The following SLC35F3 variants were observed in gnomAD, a reference collection of about 807,000 sequenced individuals.
SLC35F3 encodes solute carrier family 35 member F3, also known as putative thiamine transporter SLC35F3.
In SLC35F3, 25 loss-of-function variants were observed where a neutral mutation model predicts 49.9. The ratio of observed to expected loss-of-function variants is 0.50; its 90% CI spans 0.37 to 0.70. SLC35F3 has a LOEUF of 0.70. SLC35F3 is among the 30% of genes least tolerant of loss of function. The probability of loss-of-function intolerance (pLI) is 0.00; values close to 1 mark genes in which losing one functional copy is unlikely to be tolerated. For missense variants in SLC35F3, 525 were observed against 639.8 expected (o/e 0.82, Z 1.94); for synonymous variants, 275 against 265.4 (o/e 1.04, Z -0.35).
At chr1:233,995,061 C>A (rs538933573) in intron 2 of SLC35F3, among the ~76,000 whole-genome samples, 1 of 152,186 alleles carries the variant, frequency 6.6e-6, no homozygotes, top group Non-Finnish European at 1.5e-5. Context: ...GAGGATTAGA[C>A]ATGCTACCAT....
rs1553317271 is a variant in SLC35F3, at chr1:234,232,535, A to AAAAAAG, written c.608+806_608+811dup. Among the ~76,000 whole-genome samples, 328 of 144,682 alleles carry AAAAAAG rather than the reference A, an allele frequency of 2.3e-3. 1 individual carries two copies. The highest frequency in any genetic ancestry group is 3.7e-3 in the Non-Finnish European group (245 of 65,738). The allele number at this position is 144,682 out of a possible 152,430, so 94.9% of individuals were successfully genotyped here. A position where few individuals can be genotyped will look rare whatever the true frequency, so the allele number is the denominator to read the frequency against. ...AGGCCTAGTCAAAAAAAAAAAAAAA[A>AAAAAAG]AAAAAGAAAAAGAAAAAAAGAAACA... On this transcript the variant is annotated intron_variant, in intron 3 of 7. Transcript: ENST00000366618.
chr1:234,259,383 G>A (rs1359304293), intron 3 of SLC35F3, among the ~76,000 whole-genome samples: 1 of 152,130 alleles, frequency 6.6e-6, no homozygotes, highest in Non-Finnish European at 1.5e-5. Context: ...GAAAGAAATA[G>A]GGTTTTTATT....
At chr1:234,274,854 G>T (rs965284971) in intron 3 of SLC35F3, among the ~76,000 whole-genome samples, 1 of 152,190 alleles carries the variant, frequency 6.6e-6, no homozygotes, top group African/African-American at 2.4e-5. Flanking sequence ...GTGGCATGCA[G>T]GCTTGGAGGA....
chr1:234,009,915 G>A (rs1663689884), intron 2 of SLC35F3, among the ~76,000 whole-genome samples: 1 of 152,178 alleles, frequency 6.6e-6, no homozygotes, highest in Admixed American at 6.5e-5. Flanking sequence ...TCCTTCCCCA[G>A]ACAAACAAAA....
chr1:234,110,967 T>C (rs116386320), intron 2 of SLC35F3, among the ~76,000 whole-genome samples: 2,706 of 152,302 alleles, frequency 0.018, 74 homozygotes, highest in African/African-American at 0.062. Context: ...CTTATTTTTG[T>C]AATTATGTGA....
At chr1:234,134,548 C>T (rs1665782672) in intron 2 of SLC35F3, among the ~76,000 whole-genome samples, 1 of 150,660 alleles carries the variant, frequency 6.6e-6, no homozygotes, top group African/African-American at 2.4e-5. Flanking sequence ...GGTAACAGTA[C>T]AATAAAGGAA....
intron 5 of SLC35F3, among the ~76,000 whole-genome samples, chr1:234,316,999 G>A (rs1657505027): frequency 6.6e-6 from 1 of 152,176 alleles, no homozygotes; most frequent in Admixed American, 6.5e-5. Flanking sequence ...AAAATGAGTG[G>A]TGCCCATCCG....
At chr1:234,175,855 T>TTC (rs1666469203) in intron 2 of SLC35F3, among the ~76,000 whole-genome samples, 2 of 152,084 alleles carry the variant, frequency 1.3e-5, no homozygotes, top group Non-Finnish European at 2.9e-5. Flanking sequence ...GCCAGGTCAG[T>TTC]GTGGAGGCAG....
intron 2 of SLC35F3, among the ~76,000 whole-genome samples, chr1:234,060,281 T>G (rs1311658808): frequency 1.3e-5 from 2 of 152,204 alleles, no homozygotes; most frequent in African/African-American, 4.8e-5. Context: ...TGAAGTCTTC[T>G]ACTTCTTTGT....
chr1:234,221,305 G>A (rs560108216), intron 2 of SLC35F3, among the ~76,000 whole-genome samples: 2 of 152,284 alleles, frequency 1.3e-5, no homozygotes, highest in South Asian at 4.2e-4. Flanking sequence ...GAGCCAGGCT[G>A]ATTCCAGGGC....
chr1:234,123,996 TC>T (rs1416691693), intron 2 of SLC35F3, among the ~76,000 whole-genome samples: 5 of 152,174 alleles, frequency 3.3e-5, no homozygotes, highest in Non-Finnish European at 7.3e-5. Flanking sequence ...GAGGTTGATA[TC>T]TCAGACACAC....
chr1:233,978,474 G>T (rs181387099), intron 2 of SLC35F3, among the ~76,000 whole-genome samples: 1 of 152,334 alleles, frequency 6.6e-6, no homozygotes, highest in African/African-American at 2.4e-5. Flanking sequence ...GTTACCTAAA[G>T]CCACCCCATA....
chr1:234,188,019 C>A (rs1444648184), intron 2 of SLC35F3, among the ~76,000 whole-genome samples: 1 of 152,128 alleles, frequency 6.6e-6, no homozygotes, highest in African/African-American at 2.4e-5. Flanking sequence ...GGGCGGATCA[C>A]GAAGTCAGGA....
At chr1:233,968,467 G>GTTTTTC (rs200693234) in intron 2 of SLC35F3, among the ~76,000 whole-genome samples, 11 of 103,408 alleles carry the variant, frequency 1.1e-4, no homozygotes, top group African/African-American at 2.3e-4. Context: ...TAAATAGGTA[G>GTTTTTC]TTTTTCTTTT....
chr1:234,045,638 T>C (rs1664277357), intron 2 of SLC35F3, among the ~76,000 whole-genome samples: 1 of 151,980 alleles, frequency 6.6e-6, no homozygotes, highest in Admixed American at 6.6e-5. Context: ...GAGTACACAA[T>C]AACGTATTAT....
At chr1:233,987,516 A>ATTTTTTTT (rs1470635162) in intron 2 of SLC35F3, among the ~76,000 whole-genome samples, 1 of 150,810 alleles carries the variant, frequency 6.6e-6, no homozygotes, top group African/African-American at 2.5e-5. Context: ...CCATCTTTTT[A>ATTTTTTTT]TTTTGATCTA....
chr1:234,226,959 G>A (rs778208594), intron 2 of SLC35F3, among the ~76,000 whole-genome samples: 25 of 82,452 alleles, frequency 3.0e-4, no homozygotes, highest in African/African-American at 1.5e-3. Context: ...GCGCGCACGC[G>A]TGCACACACA....
chr1:234,117,984 AAGAAACTGTG>A (rs1203842081), intron 2 of SLC35F3, among the ~76,000 whole-genome samples: 2 of 147,410 alleles, frequency 1.4e-5, no homozygotes, highest in African/African-American at 5.0e-5. Flanking sequence ...ATAAAACCAC[AAGAAACTGTG>A]AGATACACAG....
chr1:234,189,948 A>G (rs1369746130), intron 2 of SLC35F3, among the ~76,000 whole-genome samples: 2 of 152,194 alleles, frequency 1.3e-5, no homozygotes, highest in Non-Finnish European at 2.9e-5. Context: ...TCAGCCAAGA[A>G]TTTTGTACCC....
Sources: allele counts gnomAD v4.1 joint callset (sites outside exome capture counted in the v4.1 genomes callset), GRCh38; gene constraint gnomAD v4.1.1; transcripts MANE v1.5; gene names NCBI Gene and HGNC (gene_info 2026-07-23, HGNC 2026-07-21).